Variants in EYS observed in about 807,000 individuals in gnomAD.
The protein encoded by EYS is protein eyes shut homolog.
In EYS, 250 loss-of-function variants were observed where a neutral mutation model predicts 282.1. That is an observed-to-expected ratio of 0.89 (90% CI 0.80 to 0.98). The LOEUF is 0.98. Among genes scored for constraint, EYS ranks in the 50% least tolerant of loss-of-function variants. EYS has a pLI of 0.00. For missense variants in EYS, 4,016 were observed against 3,709.0 expected (o/e 1.08, Z -2.15); for synonymous variants, 1,355 against 1,282.9 (o/e 1.06, Z -1.20).
intron 34 of EYS, among the ~76,000 whole-genome samples, chr6:63,985,575 G>T (rs1767316922): frequency 6.6e-6 from 1 of 151,604 alleles, no homozygotes; most frequent in African/African-American, 2.4e-5. Flanking sequence ...TCCCAAATTT[G>T]AACATAAATA....
chr6:64,401,933 G>A (rs1773549854), intron 28 of EYS, among the ~76,000 whole-genome samples: 1 of 152,080 alleles, frequency 6.6e-6, no homozygotes, highest in South Asian at 2.1e-4. Flanking sequence ...AAGTCCCCAT[G>A]TTTCCTGTTT....
intron 11 of EYS, among the ~76,000 whole-genome samples, chr6:65,311,419 A>T (rs1190599954): frequency 2.6e-5 from 4 of 152,190 alleles, no homozygotes; most frequent in African/African-American, 9.7e-5. Context: ...AAGCAATTAC[A>T]GATAACACTT....
At chr6:64,487,610 T>C (rs1205753140) in intron 26 of EYS, among the ~76,000 whole-genome samples, 1 of 151,026 alleles carries the variant, frequency 6.6e-6, no homozygotes, top group Admixed American at 6.6e-5. Context: ...CTTATCTTTT[T>C]TCATTTATTT....
At position 65,621,223 on chromosome 6, in the gene EYS, G is replaced by A. The variant is rs546909992; in HGVS notation, c.-333+18555C>T. On this transcript the variant is annotated intron_variant, in intron 2 of 42. Coordinates refer to ENST00000503581, the MANE Select transcript of EYS (RefSeq NM_001142800.2). ...GTAGGTCGCTCAGGACTTGCTTTAT[G>A]AAACTTGGTGCTCCTGTATTGGGTC... Among the ~76,000 whole-genome samples the A allele has an allele frequency of 2.0e-4, 31 of 152,272 alleles. No homozygotes were observed. The East Asian group carries it at 4.6e-3, about 23-fold the overall frequency.
chr6:64,740,251 AC>A, intron 22 of EYS, among the ~76,000 whole-genome samples: 1 of 152,288 alleles, frequency 6.6e-6, no homozygotes, highest in East Asian at 1.9e-4. Context: ...ATCTTGAAAT[AC>A]TTTATTCTAT....
At chr6:64,606,647 T>C (rs1410445716) in intron 24 of EYS, among the ~76,000 whole-genome samples, 1 of 152,082 alleles carries the variant, frequency 6.6e-6, no homozygotes, top group Non-Finnish European at 1.5e-5. Flanking sequence ...CAAGCCTCTC[T>C]CATTTTCTAC....
At chr6:64,736,477 C>G (rs1772185166) in intron 22 of EYS, among the ~76,000 whole-genome samples, 2 of 152,122 alleles carry the variant, frequency 1.3e-5, no homozygotes, top group Admixed American at 6.5e-5. Flanking sequence ...ATTGCACTAA[C>G]TCTATGACTC....
At chr6:64,784,004 T>C (rs1773940621) in intron 22 of EYS, among the ~76,000 whole-genome samples, 1 of 152,102 alleles carries the variant, frequency 6.6e-6, no homozygotes, top group African/African-American at 2.4e-5. Flanking sequence ...TATGGTATGT[T>C]CATGACCTTA....
At position 63,720,736 on chromosome 6, in the gene EYS, C is replaced by T. The variant is rs915047356; in HGVS notation, c.9295G>A (p.Val3099Ile). 7 of 1,548,550 alleles carry T rather than the reference C, an allele frequency of 4.5e-6. No individual in the cohort carries two copies. In the African/African-American group the frequency reaches 5.5e-5, roughly 12 times the overall value. Residue 3099 changes from valine to isoleucine, a missense_variant, in exon 43 of 43, where the codon GTT (valine) becomes ATT (isoleucine). By Grantham distance (29) the Val-to-Ile change is conservative. Transcript: ENST00000503581. ...GFEYGRKVNI[V>I]TQEIFKTNFV... ...TTGGTTTTAAAAATCTCTTGAGTAA[C>T]GATATTTACCTTTCTACCATATTCA...
chr6:65,301,571 G>T (rs1768828241), intron 11 of EYS, among the ~76,000 whole-genome samples: 1 of 152,220 alleles, frequency 6.6e-6, no homozygotes, highest in South Asian at 2.1e-4. Context: ...GGGAGTCGGG[G>T]ATAGTGTCAT....
At chr6:63,994,550 A>G (rs1767748033) in intron 34 of EYS, among the ~76,000 whole-genome samples, 1 of 151,850 alleles carries the variant, frequency 6.6e-6, no homozygotes. Context: ...CAAACCTTCT[A>G]CTGACCATTA....
At chr6:64,510,379 G>GT in intron 26 of EYS, among the ~76,000 whole-genome samples, 1 of 151,566 alleles carries the variant, frequency 6.6e-6, no homozygotes, top group Non-Finnish European at 1.5e-5. Context: ...ATCGCACATT[G>GT]TTTTTTTAAT....
At chr6:63,868,636 A>G (rs1187578633) in intron 35 of EYS, among the ~76,000 whole-genome samples, 2 of 152,126 alleles carry the variant, frequency 1.3e-5, no homozygotes, top group Non-Finnish European at 2.9e-5. Flanking sequence ...ACCCATCTCT[A>G]TGTATCGGCT....
intron 31 of EYS, among the ~76,000 whole-genome samples, chr6:64,092,695 T>C (rs1218732190): frequency 5.3e-5 from 8 of 151,776 alleles, no homozygotes; most frequent in East Asian, 1.9e-4. Flanking sequence ...TTCTCCCATT[T>C]TGTAGGTTGC....
chr6:64,663,647 C>G (rs1769123683), intron 22 of EYS, among the ~76,000 whole-genome samples: 1 of 152,160 alleles, frequency 6.6e-6, no homozygotes, highest in Admixed American at 6.5e-5. Context: ...CACAGAGGAA[C>G]ACGTTACTTC....
chr6:63,752,386 A>C (rs1193816703), intron 41 of EYS, among the ~76,000 whole-genome samples: 1 of 151,880 alleles, frequency 6.6e-6, no homozygotes, highest in Non-Finnish European at 1.5e-5. Context: ...TTATGCCTAT[A>C]ATATTATTAC....
chr6:64,451,745 C>A (rs1775354875), intron 26 of EYS, among the ~76,000 whole-genome samples: 1 of 152,104 alleles, frequency 6.6e-6, no homozygotes, highest in Non-Finnish European at 1.5e-5. Context: ...ATAAACAGAA[C>A]CAACGACAAA....
chr6:64,713,587 C>A (rs1771280398), intron 22 of EYS, among the ~76,000 whole-genome samples: 1 of 151,954 alleles, frequency 6.6e-6, no homozygotes, highest in South Asian at 2.1e-4. Context: ...CATCAGGCGC[C>A]CTAGGGAGTA....
chr6:63,968,390 C>T (rs1370558713), intron 35 of EYS, among the ~76,000 whole-genome samples: 1 of 152,054 alleles, frequency 6.6e-6, no homozygotes, highest in East Asian at 1.9e-4. Flanking sequence ...ACAAAAGAAT[C>T]ACAGCTGGAT....
Sources: allele counts gnomAD v4.1 joint callset (sites outside exome capture counted in the v4.1 genomes callset), GRCh38; gene constraint gnomAD v4.1.1; transcripts MANE v1.5; gene names NCBI Gene and HGNC (gene_info 2026-07-23, HGNC 2026-07-21).